BIN2: variants seen among roughly 807,000 people sequenced by gnomAD.
BIN2 encodes bridging integrator 2, also known as breast cancer associated protein BRAP1.
BIN2 carries 43 observed loss-of-function variants against 67.9 expected under a neutral mutation model. The ratio of observed to expected loss-of-function variants is 0.63; its 90% CI spans 0.50 to 0.82. The LOEUF (loss-of-function observed/expected upper bound fraction) is 0.82. BIN2 is among the 40% of genes least tolerant of loss of function. BIN2 has a pLI of 0.00. For synonymous variants in BIN2, 244 were observed against 246.8 expected (o/e 0.99, Z 0.11); for missense variants, 581 against 671.6 (o/e 0.87, Z 1.49).
rs1471009926 is a variant in BIN2, at chr12:51,294,496, A to G, written c.761+1300T>C. On this transcript the variant is annotated intron_variant, in intron 9 of 12. Transcript: ENST00000615107. ...GCAGGAGAATTGCTTGAACCCGGGA[A>G]GCAGAGGTTGCAGTAAGCCAAGATT... 1.3e-5 allele frequency among the ~76,000 whole-genome samples: 2 copies of G among 151,626 alleles called. 1 individual carries two copies. Among genetic ancestry groups the G allele is most frequent in the Non-Finnish European group, 2.9e-5 (2 of 67,890 alleles).
At chr12:51,296,763 C>T (rs563797796) in intron 8 of BIN2, among the ~76,000 whole-genome samples, 5 of 152,178 alleles carry the variant, frequency 3.3e-5, no homozygotes, top group Non-Finnish European at 1.5e-5. Context: ...CTCTCCAGTC[C>T]CCAGCAACAA....
Position 51,294,185 on chromosome 12 carries a change from A to G in BIN2, c.761+1611T>C, listed in dbSNP as rs954943398. Reference sequence around the variant, plus strand: ...AGAGCTATTATAACAACATGTAGCAATAACAAAAAATCTTACAAACAACAC... The same window carrying G: ...AGAGCTATTATAACAACATGTAGCAGTAACAAAAAATCTTACAAACAACAC... On this transcript the variant is annotated intron_variant, in intron 9 of 12. Transcript: ENST00000615107. Among the ~76,000 whole-genome samples the G allele has an allele frequency of 2.0e-5, 3 of 152,334 alleles. No individual in the cohort carries two copies. The South Asian group carries it at 6.2e-4, about 32-fold the overall frequency.
intron 1 of BIN2, among the ~76,000 whole-genome samples, chr12:51,321,532 T>C (rs921910996): frequency 2.1e-4 from 32 of 152,300 alleles, no homozygotes; most frequent in Admixed American, 3.3e-4. Context: ...CCTGAGTAGC[T>C]GGGATTACAG....
At chr12:51,313,220 AAGGC>A (rs1204719915) in intron 2 of BIN2, among the ~76,000 whole-genome samples, 208 of 138,198 alleles carry the variant, frequency 1.5e-3, no homozygotes, top group Non-Finnish European at 2.0e-3. Flanking sequence ...GGAAGGAAGG[AAGGC>A]AGGAAGGCAG....
At chr12:51,281,826 C>G (rs1238001036) in intron 12 of BIN2, among the ~76,000 whole-genome samples, 1 of 152,060 alleles carries the variant, frequency 6.6e-6, no homozygotes, top group African/African-American at 2.4e-5. Context: ...ACAATCATAG[C>G]TAACTGTAGC....
chr12:51,289,300 C>G lies in BIN2; in HGVS notation c.1516-1112G>C, dbSNP rs368315963. Among the ~76,000 whole-genome samples the G allele has an allele frequency of 3.3e-5, 5 of 152,202 alleles. No individual in the cohort carries two copies. In the East Asian group the frequency reaches 7.7e-4, roughly 24 times the overall value. On this transcript the variant is annotated intron_variant, in intron 10 of 12. Transcript: ENST00000615107. The stretch of plus-strand genomic sequence containing the variant: ...ACAAGTCAAATCCCTATATGATAGT[C>G]TTTCCATATAATGTGACTAGAATAT...
In BIN2 at chr12:51,284,780, T is replaced by A. The variant is rs779958734; in HGVS notation, c.1604A>T (p.Asp535Val). 2.2e-5 allele frequency: 35 copies of A among 1,613,112 alleles called. No individual in the cohort carries two copies. The highest frequency in any genetic ancestry group is 3.0e-5 in the Non-Finnish European group (35 of 1,179,250). The part of the protein sequence containing the change: ...LISANSSEGQ[D>V]QLQVSMVPEN... Reference sequence around the variant, plus strand: ...TGGTACCATGGAGACTTGAAGCTGGTCTTGGCCCTACAAAGAGAAGAGTTC... The same window carrying A: ...TGGTACCATGGAGACTTGAAGCTGGACTTGGCCCTACAAAGAGAAGAGTTC... Residue 535 changes from aspartate to valine, a missense_variant, in exon 12 of 13, where the codon GAC becomes GTC. Physicochemically the swap from Asp to Val is radical, Grantham distance 152. Transcript: ENST00000615107.
intron 1 of BIN2, chr12:51,322,639 C>T (rs1159970367): frequency 6.6e-6 from 1 of 151,228 alleles, no homozygotes. Flanking sequence ...GTGTGGCCTT[C>T]TCTCCAGTAC....
At chr12:51,310,859 G>A (rs1448124732) in intron 2 of BIN2, among the ~76,000 whole-genome samples, 1 of 150,670 alleles carries the variant, frequency 6.6e-6, no homozygotes, top group Non-Finnish European at 1.5e-5. Context: ...CTGAGACTCA[G>A]TCAGTCCTCT....
At position 51,317,839 on chromosome 12, in the gene BIN2, T is replaced by G. The variant is rs182907454; in HGVS notation, c.82-3936A>C. Among the ~76,000 whole-genome samples, 25 of 151,508 alleles carry G rather than the reference T, an allele frequency of 1.7e-4. No homozygotes were observed. The East Asian group carries it at 4.7e-3, about 28-fold the overall frequency. The stretch of plus-strand genomic sequence containing the variant: ...CCGTCTCTACTAAAAACACAAAAAA[T>G]TAGCCAGGCGTGGTGGTGGGTGCCT... On this transcript the variant is annotated intron_variant, in intron 1 of 12. Coordinates refer to ENST00000615107, the MANE Select transcript of BIN2 (RefSeq NM_016293.4).
chr12:51,295,627 T>G (rs185304593), intron 9 of BIN2, among the ~76,000 whole-genome samples, 169 bp downstream of exon 9: 2 of 108,866 alleles, frequency 1.8e-5, no homozygotes, highest in African/African-American at 7.8e-5. Flanking sequence ...TATATATATA[T>G]ATATTTAGTA....
chr12:51,296,918 T>C (rs1404753802), intron 8 of BIN2, among the ~76,000 whole-genome samples, 171 bp downstream of exon 8: 3 of 152,218 alleles, frequency 2.0e-5, no homozygotes, highest in East Asian at 3.8e-4. Flanking sequence ...AGTGTATATA[T>C]GTGTTTCAAT....
chr12:51,285,504 C>G (rs1422495796), intron 11 of BIN2, among the ~76,000 whole-genome samples: 1 of 151,948 alleles, frequency 6.6e-6, no homozygotes, highest in African/African-American at 2.4e-5. Context: ...CTAGAAACTG[C>G]TATGCTAGGG....
At position 51,320,588 on chromosome 12, in the gene BIN2, T is replaced by C. The variant is rs183616141; in HGVS notation, c.81+3434A>G. Among the ~76,000 whole-genome samples, 12 of 151,988 alleles carry C rather than the reference T, an allele frequency of 7.9e-5. No individual in the cohort carries two copies. The East Asian group carries it at 2.3e-3, about 29-fold the overall frequency. ...GATTCTCCCCAATCCTTTTGTCCTC[T>C]GAATAGACCTGCATCTCTCAGGTCA... is the stretch of plus-strand genomic sequence containing the variant. On this transcript the variant is annotated intron_variant, in intron 1 of 12. Coordinates refer to ENST00000615107, the MANE Select transcript of BIN2 (RefSeq NM_016293.4).
chr12:51,294,477 G>A (rs1237165799), intron 9 of BIN2, among the ~76,000 whole-genome samples: 3 of 151,192 alleles, frequency 2.0e-5, no homozygotes, highest in Non-Finnish European at 4.4e-5. Context: ...TGAGGCAGGA[G>A]AATTGCTTGA....
chr12:51,300,108 G>A (rs568495624), intron 5 of BIN2, among the ~76,000 whole-genome samples: 174 of 152,164 alleles, frequency 1.1e-3, no homozygotes, highest in African/African-American at 3.9e-3. Flanking sequence ...AAAGTGCTGG[G>A]ATTACAGGCA....
rs1392843477 is a variant in BIN2, at chr12:51,295,578, ATATATATATAT to A, written c.761+207_761+217del. On this transcript the variant is annotated intron_variant, in intron 9 of 12. Coordinates refer to ENST00000615107, the MANE Select transcript of BIN2 (RefSeq NM_016293.4). ...ACTCCGTCTCAAAAAAAAAAAAAAA[ATATATATATAT>A]ATATATATATATATATATATATATA... is the stretch of plus-strand genomic sequence containing the variant. Among the ~76,000 whole-genome samples the A allele has an allele frequency of 8.4e-4, 50 of 59,516 alleles. 3 individuals carry two copies. The highest frequency in any genetic ancestry group is 1.4e-3 in the African/African-American group (20 of 14,680). The allele number at this position is 59,516 out of a possible 152,430, so 39.0% of individuals were successfully genotyped here.
intron 2 of BIN2, 28 bp from the exon 3 acceptor site, chr12:51,303,169 T>A: frequency 6.2e-7 from 1 of 1,607,844 alleles, no homozygotes; most frequent in Non-Finnish European, 8.5e-7. Flanking sequence ...ATTTGGTGAC[T>A]AAAGAGATTA....
In BIN2 at chr12:51,324,006, A is replaced by G; in HGVS notation, c.81+16T>C. Reference sequence around the variant, plus strand: ...CTCCCTGTGGGCCAGACAGACAGCGAGGCCCGGCCACCTACCTTCTCCTGG... The same window carrying G: ...CTCCCTGTGGGCCAGACAGACAGCGGGGCCCGGCCACCTACCTTCTCCTGG... On this transcript the variant is annotated intron_variant, in intron 1 of 12. Coordinates refer to ENST00000615107, the MANE Select transcript of BIN2 (RefSeq NM_016293.4). 1 of 1,612,314 alleles carries G rather than the reference A, an allele frequency of 6.2e-7. No homozygotes were observed. The highest frequency in any genetic ancestry group is 8.5e-7 in the Non-Finnish European group (1 of 1,179,238).
Sources: allele counts gnomAD v4.1 joint callset (sites outside exome capture counted in the v4.1 genomes callset), GRCh38; gene constraint gnomAD v4.1.1; transcripts MANE v1.5; gene names NCBI Gene and HGNC (gene_info 2026-07-23, HGNC 2026-07-21).